ARHGEF5: variants seen among roughly 807,000 people sequenced by gnomAD.
ARHGEF5 encodes the protein Rho guanine nucleotide exchange factor 5, also known as Rho guanine nucleotide exchange factor (GEF) 5.
In ARHGEF5, 11 loss-of-function variants were observed where a neutral mutation model predicts 104.0. The ratio of observed to expected loss-of-function variants is 0.11; its 90% confidence interval spans 0.07 to 0.18. The LOEUF (loss-of-function observed/expected upper bound fraction) is 0.18. ARHGEF5 is among the 10% of genes least tolerant of loss of function. The pLI is 1.00. For synonymous variants in ARHGEF5, 60 were observed against 512.2 expected, an observed-to-expected ratio of 0.12 and a Z score of 11.92; for missense variants, 165 against 1,335.4, an observed-to-expected ratio of 0.12 and a Z score of 13.66.
At chr7:144,379,409 C>T (rs1188655352) in intron 14 of ARHGEF5, among the ~76,000 whole-genome samples, 1 of 152,020 alleles carries the variant, frequency 6.6e-6, no homozygotes, top group Non-Finnish European at 1.5e-5. Flanking sequence ...GGGGTTTCAC[C>T]ATATTGGTCA....
chr7:144,357,802 G>A (rs1489790345), intron 1 of ARHGEF5, among the ~76,000 whole-genome samples: 1 of 149,190 alleles, frequency 6.7e-6, no homozygotes, highest in African/African-American at 2.5e-5. Flanking sequence ...TGCCTCTCAA[G>A]AAGTCACACG....
rs939697171 is a variant in ARHGEF5, at chr7:144,380,247, T to C, written c.*191T>C. 4 of 653,840 alleles carry C rather than the reference T, an allele frequency of 6.1e-6. No homozygotes were observed. The highest frequency in any genetic ancestry group is 1.8e-5 in the African/African-American group (1 of 54,814). 40.5% of individuals were successfully genotyped at this position (653,840 alleles called of 1,614,324 possible). On this transcript the variant is annotated 3_prime_UTR_variant, in exon 15 of 15. Transcript: ENST00000056217. ...TGCTTTGTGCTTGGTGGGGGGGATT[T>C]CGAGGGACTTTGCACTGGACTCTGG...
chr7:144,370,894 A>G (rs1263110021), intron 5 of ARHGEF5, among the ~76,000 whole-genome samples: 8 of 146,184 alleles, frequency 5.5e-5, no homozygotes, highest in Non-Finnish European at 9.0e-5. Context: ...TCACTTTGTT[A>G]CTCATTTTTT....
intron 13 of ARHGEF5, among the ~76,000 whole-genome samples, chr7:144,377,973 GA>G (rs1252741242): frequency 1.3e-5 from 2 of 152,112 alleles, no homozygotes; most frequent in Non-Finnish European, 2.9e-5. Context: ...AGGATCTTGA[GA>G]AAGCAAATAG....
At chr7:144,378,476 G>A (rs545016674) in intron 13 of ARHGEF5, among the ~76,000 whole-genome samples, 1 of 152,164 alleles carries the variant, frequency 6.6e-6, no homozygotes, top group Non-Finnish European at 1.5e-5. Flanking sequence ...AGTCAGGGAC[G>A]GTTTCAGAGG....
Position 144,380,236 on chromosome 7 carries a change from T to TG in ARHGEF5, c.*187dup, listed in dbSNP as rs1175084925. 9 of 721,406 alleles carry TG rather than the reference T, an allele frequency of 1.2e-5. No individual in the cohort carries two copies. The highest frequency in any genetic ancestry group is 1.2e-4 in the Admixed American group (4 of 33,716). The allele number at this position is 721,406 out of a possible 1,614,324, so 44.7% of individuals were successfully genotyped here. A position where few individuals can be genotyped will look rare whatever the true frequency, so the allele number is the denominator to read the frequency against. ...GCCTCCTTTCGTGCTTTGTGCTTGG[T>TG]GGGGGGGATTTCGAGGGACTTTGCA... On this transcript the variant is annotated 3_prime_UTR_variant, in exon 15 of 15. Coordinates refer to ENST00000056217, the MANE Select transcript of ARHGEF5 (RefSeq NM_005435.4).
chr7:144,379,463 G>GC (rs1315421524), intron 14 of ARHGEF5, among the ~76,000 whole-genome samples: 2 of 151,990 alleles, frequency 1.3e-5, no homozygotes, highest in African/African-American at 4.8e-5. Context: ...ACCCACCTCG[G>GC]CCTCCCAAAG....
chr7:144,377,446 C>G (rs975856326), intron 13 of ARHGEF5, among the ~76,000 whole-genome samples: 1 of 152,136 alleles, frequency 6.6e-6, no homozygotes, highest in Non-Finnish European at 1.5e-5. Flanking sequence ...AAATATTTGT[C>G]CCCTTAAGTC....
chr7:144,379,795 G>C, intron 14 of ARHGEF5, 104 bp from the exon 15 acceptor site: 1 of 1,469,822 alleles, frequency 6.8e-7, no homozygotes, highest in Non-Finnish European at 9.3e-7. Context: ...AGGCTCCCCA[G>C]TTCACTCAGC....
At chr7:144,379,871 A>T (rs916147638) in intron 14 of ARHGEF5, 28 bp from the exon 15 acceptor site, 1 of 1,613,580 alleles carries the variant, frequency 6.2e-7, no homozygotes. Context: ...TTCCCAGGTA[A>T]TTCTTCCCAC....
At chr7:144,369,507 TGCGCC>T (rs2053707643) in intron 5 of ARHGEF5, among the ~76,000 whole-genome samples, 1 of 72,564 alleles carries the variant, frequency 1.4e-5, no homozygotes, top group Non-Finnish European at 2.4e-5. Context: ...AAACCACAGC[TGCGCC>T]ATCTTGTTCT....
At position 144,380,338 on chromosome 7, in the gene ARHGEF5, C is replaced by T. The variant is rs2053792661; in HGVS notation, c.*282C>T. The T allele has an allele frequency of 6.2e-6, 2 of 322,324 alleles. No homozygotes were observed. Among genetic ancestry groups the T allele is most frequent in the African/African-American group, 4.2e-5 (2 of 48,068 alleles). The allele number at this position is 322,324 out of a possible 1,614,324, so 20.0% of individuals were successfully genotyped here. The stretch of plus-strand genomic sequence containing the variant: ...GAGCCAAGGAACTTTCCTTCTACTG[C>T]CTTATAGTGCTTAAACATTCTCCGC... On this transcript the variant is annotated 3_prime_UTR_variant, in exon 15 of 15. Coordinates refer to ENST00000056217, the MANE Select transcript of ARHGEF5 (RefSeq NM_005435.4).
chr7:144,370,627 G>A (rs1265116346), intron 5 of ARHGEF5, among the ~76,000 whole-genome samples: 9 of 149,748 alleles, frequency 6.0e-5, no homozygotes, highest in East Asian at 1.9e-4. Context: ...CATCACATCC[G>A]GCTAATTTTT....
At chr7:144,373,379 TC>T in intron 10 of ARHGEF5, 95 bp downstream of exon 10, 1 of 657,208 alleles carries the variant, frequency 1.5e-6, no homozygotes. Context: ...GCTCACATTA[TC>T]CCCAGCCCCT....
Position 144,380,066 on chromosome 7 carries a change from GA to G in ARHGEF5, c.*11del. The G allele has an allele frequency of 6.2e-7, 1 of 1,614,094 alleles. No homozygotes were observed. The highest frequency in any genetic ancestry group is 1.1e-5 in the South Asian group (1 of 91,060). On this transcript the variant is annotated 3_prime_UTR_variant, in exon 15 of 15. Transcript: ENST00000056217. ...GGAACAGCAAGCCTAAGTCTTCTCT[GA>G]GAGGAGTTTCGTGAGCTGAAGAACA...
chr7:144,379,935 G>T lies in ARHGEF5; in HGVS notation c.4673G>T (p.Arg1558Leu). ...LEGVRLSDGE[R>L]GWFPVQQVEF... ...GGCGTGAGGCTCTCAGACGGGGAGC[G>T]AGGCTGGTTTCCTGTGCAGCAGGTG... Residue 1558 changes from arginine to leucine, a missense_variant, in exon 15 of 15, where the codon CGA (arginine) becomes CTA (leucine). Arg to Leu is a moderately radical substitution (Grantham distance 102). Coordinates refer to ENST00000056217, the MANE Select transcript of ARHGEF5 (RefSeq NM_005435.4). The T allele has an allele frequency of 6.2e-7, 1 of 1,614,220 alleles. No homozygotes were observed. Among genetic ancestry groups the T allele is most frequent in the Non-Finnish European group, 8.5e-7 (1 of 1,180,046 alleles).
intron 13 of ARHGEF5, among the ~76,000 whole-genome samples, chr7:144,377,536 A>G (rs1635077): frequency 0.62 from 93,748 of 151,880 alleles, 29,119 homozygotes; most frequent in East Asian, 0.78. Context: ...ACGGTGGTAG[A>G]AGGTGTGCAG....
At chr7:144,378,635 C>T (rs748087369) in intron 13 of ARHGEF5, 127 bp from the exon 14 acceptor site, 4 of 714,786 alleles carry the variant, frequency 5.6e-6, no homozygotes, top group African/African-American at 1.8e-5. Flanking sequence ...CCTCTTTTGT[C>T]TGTGACTTTC....
In ARHGEF5 at chr7:144,380,179, CA is replaced by C; in HGVS notation, c.*127del. 7.7e-7 allele frequency: 1 copy of C among 1,294,614 alleles called. No homozygotes were observed. The highest frequency in any genetic ancestry group is 1.1e-6 in the Non-Finnish European group (1 of 937,626). The allele number at this position is 1,294,614 out of a possible 1,614,324, so 80.2% of individuals were successfully genotyped here. On this transcript the variant is annotated 3_prime_UTR_variant, in exon 15 of 15. Coordinates refer to ENST00000056217, the MANE Select transcript of ARHGEF5 (RefSeq NM_005435.4). ...ACTAGGCCTTCTCAAAGCTCAAGGA[CA>C]AAATCCAGCTAACCCAGTCCCTCGG...
Sources: gnomAD v4.1 joint callset for allele counts (sites outside exome capture counted in the v4.1 genomes callset) on GRCh38, gnomAD v4.1.1 for gene constraint, MANE v1.5 for transcripts, NCBI Gene and HGNC (gene_info 2026-07-23, HGNC 2026-07-21) for gene names.